Variants in RIMS2 observed in about 807,000 individuals in gnomAD.
The protein encoded by RIMS2 is regulating synaptic membrane exocytosis 2, also known as regulating synaptic membrane exocytosis protein 2.
In RIMS2, 59 loss-of-function variants were observed where a neutral mutation model predicts 174.4. That is an observed-to-expected ratio of 0.34 (90% CI 0.27 to 0.42). The LOEUF is 0.42. Ranked by LOEUF, RIMS2 falls within the 10% of genes least tolerant of loss-of-function variation. The pLI is 1.00. For synonymous variants in RIMS2, 606 were observed against 572.5 expected (o/e 1.06, Z -0.84); for missense variants, 1,620 against 1,666.3 (o/e 0.97, Z 0.48).
chr8:104,044,406 C>T (rs977922117), intron 19 of RIMS2, among the ~76,000 whole-genome samples: 35 of 150,858 alleles, frequency 2.3e-4, no homozygotes, highest in Admixed American at 1.9e-3. Flanking sequence ...TTCAGAGGTA[C>T]AACTTAGAGG....
At chr8:104,015,310 G>A (rs1327641128) in intron 19 of RIMS2, 2 of 537,078 alleles carry the variant, frequency 3.7e-6, no homozygotes, top group Admixed American at 3.5e-5. Flanking sequence ...TTCTCTAGTA[G>A]ATAATACATT....
At chr8:104,116,196 G>A (rs975805007) in intron 19 of RIMS2, among the ~76,000 whole-genome samples, 3 of 152,150 alleles carry the variant, frequency 2.0e-5, no homozygotes, top group Admixed American at 6.6e-5. Context: ...GTACTCATGT[G>A]TGTACATGTA....
intron 18 of RIMS2, 135 bp downstream of exon 20, chr8:104,013,756 T>C: frequency 4.6e-6 from 3 of 652,918 alleles, no homozygotes; most frequent in Non-Finnish European, 8.0e-6. Context: ...CTTTTCAATG[T>C]AAACACACTA....
intron 19 of RIMS2, among the ~76,000 whole-genome samples, chr8:104,220,236 G>A (rs1403305165): frequency 6.6e-6 from 1 of 151,894 alleles, no homozygotes; most frequent in Non-Finnish European, 1.5e-5. Flanking sequence ...ACTCTACCTT[G>A]TGCCATTCTT....
chr8:103,776,168 G>A (rs114911576), intron 3 of RIMS2, among the ~76,000 whole-genome samples: 1 of 152,136 alleles, frequency 6.6e-6, no homozygotes, highest in Admixed American at 6.5e-5. Flanking sequence ...TGCATGTATG[G>A]TGAAGGGTTC....
intron 19 of RIMS2, among the ~76,000 whole-genome samples, chr8:104,197,256 A>G (rs1158694835): frequency 6.6e-6 from 1 of 151,200 alleles, no homozygotes; most frequent in Non-Finnish European, 1.5e-5. Context: ...GCTCACTGCA[A>G]CCTCCATTTC....
At chr8:104,107,121 C>A (rs2131482111) in intron 19 of RIMS2, among the ~76,000 whole-genome samples, 1 of 152,180 alleles carries the variant, frequency 6.6e-6, no homozygotes, top group South Asian at 2.1e-4. Context: ...TTGACTTCAA[C>A]CCTTTGCACT....
chr8:104,015,485 T>G (rs2095875140), intron 19 of RIMS2: 1 of 666,528 alleles, frequency 1.5e-6, no homozygotes. Flanking sequence ...GTTTGTTTTG[T>G]GCTAACAGCC....
intron 19 of RIMS2, among the ~76,000 whole-genome samples, chr8:104,112,371 T>C (rs2131816129): frequency 6.6e-6 from 1 of 152,226 alleles, no homozygotes; most frequent in South Asian, 2.1e-4. Flanking sequence ...TTATAGCTCA[T>C]GCATATGTAA....
At chr8:104,230,412 G>A (rs2099219557) in intron 19 of RIMS2, among the ~76,000 whole-genome samples, 1 of 152,212 alleles carries the variant, frequency 6.6e-6, no homozygotes, top group Non-Finnish European at 1.5e-5. Flanking sequence ...TTGGGAGGCC[G>A]AGCCAGGTGG....
chr8:103,949,686 CA>C (rs1211733712), intron 14 of RIMS2, among the ~76,000 whole-genome samples: 4 of 151,686 alleles, frequency 2.6e-5, no homozygotes, highest in Non-Finnish European at 5.9e-5. Context: ...TTATTAATAC[CA>C]AAAAAATTCT....
At chr8:104,120,028 G>A (rs753845273) in intron 19 of RIMS2, among the ~76,000 whole-genome samples, 1 of 152,168 alleles carries the variant, frequency 6.6e-6, no homozygotes, top group Non-Finnish European at 1.5e-5. Flanking sequence ...TGCTATAATA[G>A]AGACAGCACT....
intron 15 of RIMS2, among the ~76,000 whole-genome samples, chr8:103,968,418 GT>G (rs1223584082): frequency 1.6e-4 from 23 of 144,504 alleles, no homozygotes; most frequent in Admixed American, 3.4e-4. Flanking sequence ...CTTTTTCAGT[GT>G]TTTTTTTTTA....
At chr8:104,177,344 T>C (rs2098908153) in intron 19 of RIMS2, among the ~76,000 whole-genome samples, 1 of 152,146 alleles carries the variant, frequency 6.6e-6, no homozygotes, top group Non-Finnish European at 1.5e-5. Flanking sequence ...TATGGCTATA[T>C]TCTATATAAC....
intron 1 of RIMS2, among the ~76,000 whole-genome samples, chr8:103,577,671 A>G (rs1159165934): frequency 6.6e-6 from 1 of 152,224 alleles, no homozygotes; most frequent in Non-Finnish European, 1.5e-5. Flanking sequence ...ATTTCTTGGT[A>G]TTTACACAAT....
chr8:104,074,654 G>C (rs1054080942), intron 19 of RIMS2, among the ~76,000 whole-genome samples: 2 of 151,722 alleles, frequency 1.3e-5, no homozygotes, highest in Admixed American at 6.6e-5. Context: ...GAAATTTAGA[G>C]GAAAAAAATT....
chr8:103,560,846 G>A (rs1403411943), intron 1 of RIMS2, among the ~76,000 whole-genome samples: 3 of 152,156 alleles, frequency 2.0e-5, no homozygotes, highest in Admixed American at 6.5e-5. Context: ...AAATATAGGT[G>A]TTCTTTTTAT....
intron 4 of RIMS2, among the ~76,000 whole-genome samples, chr8:103,900,338 C>A (rs1315282803): frequency 6.6e-6 from 1 of 151,646 alleles, no homozygotes; most frequent in Non-Finnish European, 1.5e-5. Context: ...ATTCTCCTGC[C>A]TCAGCCTCCT....
chr8:103,862,295 G>A (rs1419894812), intron 3 of RIMS2, among the ~76,000 whole-genome samples: 2 of 151,838 alleles, frequency 1.3e-5, no homozygotes, highest in Non-Finnish European at 2.9e-5. Flanking sequence ...TAGATACTCG[G>A]TTTTATTTCT....
Sources: gnomAD v4.1 joint callset for allele counts (sites outside exome capture counted in the v4.1 genomes callset) on GRCh38, gnomAD v4.1.1 for gene constraint, MANE v1.5 for transcripts, NCBI Gene and HGNC (gene_info 2026-07-23, HGNC 2026-07-21) for gene names.